Variants in ZNF385B observed in about 807,000 individuals in gnomAD.
The protein encoded by ZNF385B is zinc finger protein 533.
A neutral mutation model predicts 39.2 loss-of-function variants in ZNF385B; 23 were observed. The observed-to-expected ratio is 0.59, with a 90% CI of 0.42 to 0.83. The LOEUF is 0.83. Among genes scored for constraint, ZNF385B ranks in the 40% least tolerant of loss-of-function variants. ZNF385B has a pLI of 0.00. For missense variants in ZNF385B, 552 were observed against 598.9 expected, an observed-to-expected ratio of 0.92 and a Z score of 0.82; for synonymous variants, 205 against 222.6, an observed-to-expected ratio of 0.92 and a Z score of 0.70.
intron 3 of ZNF385B, among the ~76,000 whole-genome samples, chr2:179,712,222 A>G (rs1263219824): frequency 6.6e-6 from 1 of 152,114 alleles, no homozygotes; most frequent in Non-Finnish European, 1.5e-5. Context: ...TAATACTATG[A>G]TTTCTAGTCT....
chr2:179,531,224 G>A (rs1007645251), intron 4 of ZNF385B, among the ~76,000 whole-genome samples: 1 of 152,158 alleles, frequency 6.6e-6, no homozygotes, highest in African/African-American at 2.4e-5. Context: ...AATAATATAA[G>A]ATGTCCAGTT....
At chr2:179,716,287 A>C (rs1280839120) in intron 3 of ZNF385B, among the ~76,000 whole-genome samples, 4 of 152,206 alleles carry the variant, frequency 2.6e-5, no homozygotes, top group Non-Finnish European at 5.9e-5. Flanking sequence ...TTTTCATAAT[A>C]GAGTAGGTCA....
At chr2:179,825,046 A>G (rs1707604241) in intron 1 of ZNF385B, among the ~76,000 whole-genome samples, 1 of 152,218 alleles carries the variant, frequency 6.6e-6, no homozygotes, top group Non-Finnish European at 1.5e-5. Flanking sequence ...AACATACGAA[A>G]GAAAATTCAT....
intron 3 of ZNF385B, among the ~76,000 whole-genome samples, chr2:179,752,882 T>C (rs1435196383): frequency 1.3e-5 from 2 of 152,134 alleles, no homozygotes; most frequent in South Asian, 2.1e-4. Flanking sequence ...ATTCTGTGGG[T>C]TGCCTATTCA....
At chr2:179,847,977 C>T (rs1231383345) in intron 1 of ZNF385B, among the ~76,000 whole-genome samples, 1 of 152,116 alleles carries the variant, frequency 6.6e-6, no homozygotes, top group Non-Finnish European at 1.5e-5. Context: ...GACAGAGGGT[C>T]CATGGTGGAA....
intron 5 of ZNF385B, among the ~76,000 whole-genome samples, chr2:179,504,046 T>TC (rs1372655261): frequency 1.4e-5 from 2 of 142,164 alleles, no homozygotes; most frequent in Non-Finnish European, 3.0e-5. Flanking sequence ...CCCACCACAG[T>TC]CCCCAGAGTG....
At chr2:179,578,590 A>G (rs1356811983) in intron 3 of ZNF385B, among the ~76,000 whole-genome samples, 2 of 152,052 alleles carry the variant, frequency 1.3e-5, no homozygotes, top group Non-Finnish European at 2.9e-5. Flanking sequence ...AGATACTGAG[A>G]ACCATTTTGG....
intron 3 of ZNF385B, among the ~76,000 whole-genome samples, chr2:179,696,346 T>TTTTTTTTTTTTTC (rs1698757209): frequency 7.1e-6 from 1 of 141,332 alleles, no homozygotes; most frequent in African/African-American, 2.6e-5. Flanking sequence ...TTTTTTTTTT[T>TTTTTTTTTTTTTC]TTTGCATCCT....
chr2:179,852,385 G>A (rs971335163), intron 1 of ZNF385B, among the ~76,000 whole-genome samples: 7 of 152,066 alleles, frequency 4.6e-5, no homozygotes, highest in African/African-American at 7.2e-5. Flanking sequence ...ACAAAAATAC[G>A]GTGAGTCATG....
intron 3 of ZNF385B, among the ~76,000 whole-genome samples, chr2:179,737,039 T>G (rs1436200522): frequency 6.6e-6 from 1 of 152,208 alleles, no homozygotes; most frequent in Non-Finnish European, 1.5e-5. Context: ...TTTCACGTCT[T>G]GCCTTCATTT....
chr2:179,759,655 A>G (rs922636827), intron 3 of ZNF385B, among the ~76,000 whole-genome samples: 2 of 152,138 alleles, frequency 1.3e-5, no homozygotes, highest in African/African-American at 4.8e-5. Flanking sequence ...CATCTCAAAG[A>G]TCACCTCCTC....
intron 3 of ZNF385B, among the ~76,000 whole-genome samples, chr2:179,626,396 T>C (rs1440391908): frequency 1.3e-5 from 2 of 152,168 alleles, no homozygotes; most frequent in East Asian, 3.9e-4. Context: ...GGATACAGCA[T>C]ACTGCTTCTT....
At chr2:179,612,814 C>T (rs1332003766) in intron 3 of ZNF385B, among the ~76,000 whole-genome samples, 1 of 152,166 alleles carries the variant, frequency 6.6e-6, no homozygotes, top group African/African-American at 2.4e-5. Flanking sequence ...ATGTCCTTCC[C>T]TTCAAAGTAG....
chr2:179,539,889 C>A (rs2059808391), intron 4 of ZNF385B, among the ~76,000 whole-genome samples: 1 of 151,882 alleles, frequency 6.6e-6, no homozygotes, highest in Non-Finnish European at 1.5e-5. Flanking sequence ...TTCATTTTTT[C>A]CTTATAAGTT....
At chr2:179,795,867 A>G (rs571829459) in intron 1 of ZNF385B, among the ~76,000 whole-genome samples, 1 of 152,276 alleles carries the variant, frequency 6.6e-6, no homozygotes, top group South Asian at 2.1e-4. Context: ...ACGTCCATAT[A>G]TCTTGAAGCC....
At chr2:179,831,108 G>T (rs1277316075) in intron 1 of ZNF385B, among the ~76,000 whole-genome samples, 1 of 152,132 alleles carries the variant, frequency 6.6e-6, no homozygotes, top group Non-Finnish European at 1.5e-5. Flanking sequence ...ATGGGAAACA[G>T]AGAAGTTGCA....
intron 3 of ZNF385B, among the ~76,000 whole-genome samples, chr2:179,710,003 G>A (rs1258687100): frequency 6.6e-6 from 1 of 152,206 alleles, no homozygotes; most frequent in African/African-American, 2.4e-5. Flanking sequence ...CAAAGTGCAG[G>A]AATGGATGGA....
intron 3 of ZNF385B, among the ~76,000 whole-genome samples, chr2:179,600,391 C>T (rs1688322792): frequency 6.6e-6 from 1 of 152,122 alleles, no homozygotes; most frequent in Non-Finnish European, 1.5e-5. Context: ...AAAAAAACTA[C>T]AAATGTAAGT....
chr2:179,818,987 C>A (rs530375269), intron 1 of ZNF385B, among the ~76,000 whole-genome samples: 1 of 149,884 alleles, frequency 6.7e-6, no homozygotes, highest in South Asian at 2.1e-4. Context: ...TGTTTTTTTG[C>A]CAATACCTCA....
Sources: allele counts gnomAD v4.1 joint callset (sites outside exome capture counted in the v4.1 genomes callset), GRCh38; gene constraint gnomAD v4.1.1; transcripts MANE v1.5; gene names NCBI Gene and HGNC (gene_info 2026-07-23, HGNC 2026-07-21).